RUSC2: variants seen among roughly 807,000 people sequenced by gnomAD.
RUSC2 encodes RUN and SH3 domain containing 2.
In RUSC2, 34 loss-of-function variants were observed where a neutral mutation model predicts 122.2. The ratio of observed to expected loss-of-function variants is 0.28; its 90% CI spans 0.21 to 0.37. The LOEUF (loss-of-function observed/expected upper bound fraction) is 0.37, where lower values mean the gene tolerates loss of function less well. Among genes scored for constraint, RUSC2 ranks in the 10% least tolerant of loss-of-function variants. The pLI is 1.00. For synonymous variants in RUSC2, 784 were observed against 790.0 expected (o/e 0.99, Z 0.13); for missense variants, 1,747 against 1,952.4 (o/e 0.89, Z 1.98).
At chr9:35,544,736 C>G (rs1821712773) in intron 1 of RUSC2, among the ~76,000 whole-genome samples, 1 of 151,650 alleles carries the variant, frequency 6.6e-6, no homozygotes, top group Non-Finnish European at 1.5e-5. Flanking sequence ...TTGGTGGTAT[C>G]CTTTGAAGCA....
chr9:35,516,019 A>AAAAAAAAAAAAAAAAAAAAAAAAC (rs1821097477), intron 1 of RUSC2, among the ~76,000 whole-genome samples: 1 of 149,908 alleles, frequency 6.7e-6, no homozygotes, highest in Non-Finnish European at 1.5e-5. Flanking sequence ...AAAAAAAAAA[A>AAAAAAAAAAAAAAAAAAAAAAAAC]AAAAGAGAAA....
chr9:35,504,469 CTT>C (rs200556621), intron 1 of RUSC2, among the ~76,000 whole-genome samples: 5 of 140,366 alleles, frequency 3.6e-5, no homozygotes, highest in African/African-American at 2.6e-5. Flanking sequence ...GGTTTTTTTT[CTT>C]TTTTTTTTTT....
At chr9:35,527,926 A>G (rs1373779177) in intron 1 of RUSC2, among the ~76,000 whole-genome samples, 4 of 152,130 alleles carry the variant, frequency 2.6e-5, no homozygotes, top group Admixed American at 2.0e-4. Context: ...CAGTGGCTCA[A>G]GTATGGTCAT....
intron 1 of RUSC2, among the ~76,000 whole-genome samples, chr9:35,522,748 G>A (rs557692971): frequency 2.6e-5 from 4 of 152,280 alleles, no homozygotes; most frequent in African/African-American, 9.6e-5. Flanking sequence ...ATTTTGATTT[G>A]TTATGGTTTG....
chr9:35,553,723 C>T (rs1449218338), intron 2 of RUSC2, among the ~76,000 whole-genome samples: 1 of 152,116 alleles, frequency 6.6e-6, no homozygotes, highest in Non-Finnish European at 1.5e-5. Context: ...CACAGTGGGC[C>T]AGGGAGAATG....
In RUSC2 at chr9:35,506,276, T is replaced by C. The variant is rs187116633; in HGVS notation, c.-93+16104T>C. 2.0e-5 allele frequency among the ~76,000 whole-genome samples: 3 copies of C among 152,390 alleles called. No individual in the cohort carries two copies. The East Asian group carries it at 5.8e-4, about 29-fold the overall frequency. Reference sequence around the variant, plus strand: ...GTATACATTAAAAAGGTGAATTTTATACTATCTGAATTACATGTTAATAAA... The same window carrying C: ...GTATACATTAAAAAGGTGAATTTTACACTATCTGAATTACATGTTAATAAA... On this transcript the variant is annotated intron_variant, in intron 1 of 11. Transcript: ENST00000361226.
chr9:35,495,466 C>G (rs1336265147), intron 1 of RUSC2, among the ~76,000 whole-genome samples: 2 of 151,258 alleles, frequency 1.3e-5, no homozygotes, highest in Non-Finnish European at 2.9e-5. Context: ...CTTGTCAAAA[C>G]TCATCTGACC....
intron 1 of RUSC2, among the ~76,000 whole-genome samples, chr9:35,525,301 G>C (rs1036148572): frequency 2.0e-5 from 3 of 152,156 alleles, no homozygotes; most frequent in Admixed American, 6.5e-5. Context: ...TTTCAGATTG[G>C]CCTCTCATCC....
Position 35,561,512 on chromosome 9 carries a change from A to C in RUSC2, c.*130A>C. The C allele has an allele frequency of 1.4e-6, 1 of 720,414 alleles. No homozygotes were observed. Among genetic ancestry groups the C allele is most frequent in the Admixed American group, 2.8e-5 (1 of 35,208 alleles). 44.6% of individuals were successfully genotyped at this position (720,414 alleles called of 1,614,324 possible). A position where few individuals can be genotyped will look rare whatever the true frequency, so the allele number is the denominator to read the frequency against. On this transcript the variant is annotated 3_prime_UTR_variant, in exon 12 of 12. Transcript: ENST00000361226. ...TGGGGCCACGTATCCCTGTGCTGGCACCTGCTCCCTGTGCTCAGTATTAAT... is the reference window on the plus strand; with the variant it reads ...TGGGGCCACGTATCCCTGTGCTGGCCCCTGCTCCCTGTGCTCAGTATTAAT...
chr9:35,495,315 G>T, intron 1 of RUSC2, among the ~76,000 whole-genome samples: 1 of 130,698 alleles, frequency 7.7e-6, no homozygotes. Context: ...TTATCTTTAG[G>T]TCTTTGATCC....
At chr9:35,540,598 G>C (rs2132543118) in intron 1 of RUSC2, among the ~76,000 whole-genome samples, 1 of 152,282 alleles carries the variant, frequency 6.6e-6, no homozygotes. Flanking sequence ...ATGAGGGCTG[G>C]GAACTGGGGC....
rs776734453 is a variant in RUSC2, at chr9:35,548,057, C to T, written c.1536C>T (p.Gly512=). ...SLQRSPPVRL[G]SLERMLSCPV... ...AGCGCAGCCCTCCTGTCCGCCTGGG[C>T]TCGCTGGAACGTATGTTGAGTTGCC... The change falls in exon 2 of 12, where the codon GGC becomes GGT. Residue 512 remains glycine (G), a synonymous_variant. Transcript: ENST00000361226. This position sits in a 1 kb window ranked among gnomAD's most constrained non-coding sequence, Gnocchi z 4.5. 1 of 1,613,526 alleles carries T rather than the reference C, an allele frequency of 6.2e-7. No homozygotes were observed. The highest frequency in any genetic ancestry group is 8.5e-7 in the Non-Finnish European group (1 of 1,180,046).
intron 1 of RUSC2, among the ~76,000 whole-genome samples, chr9:35,545,637 G>A (rs1446675569): frequency 6.6e-6 from 1 of 152,212 alleles, no homozygotes; most frequent in African/African-American, 2.4e-5. Context: ...CGCATGTTAA[G>A]AATGTATTAT....
intron 1 of RUSC2, among the ~76,000 whole-genome samples, chr9:35,525,590 A>T (rs1327956830): frequency 6.6e-6 from 1 of 152,082 alleles, no homozygotes; most frequent in Non-Finnish European, 1.5e-5. Context: ...ACCTGAGGCC[A>T]GGAGTTCGAG....
chr9:35,502,491 C>T (rs557580118), intron 1 of RUSC2, among the ~76,000 whole-genome samples: 5 of 152,100 alleles, frequency 3.3e-5, no homozygotes, highest in Non-Finnish European at 7.4e-5. Flanking sequence ...ACTTTAACCT[C>T]GAAAATCCTT....
chr9:35,554,526 T>G (rs1288689215), intron 2 of RUSC2, among the ~76,000 whole-genome samples: 1 of 152,208 alleles, frequency 6.6e-6, no homozygotes, highest in Non-Finnish European at 1.5e-5. Flanking sequence ...TTTTCATCAC[T>G]GAAAATGTGT....
intron 1 of RUSC2, among the ~76,000 whole-genome samples, chr9:35,531,239 C>T (rs1424637035): frequency 2.6e-5 from 4 of 151,816 alleles, no homozygotes; most frequent in African/African-American, 4.8e-5. Context: ...CCAGCCTGGG[C>T]GACAGAGCAA....
rs902094706 is a variant in RUSC2 at position 35,555,747 on chromosome 9, G to A, written c.2656+46G>A. Reference sequence around the variant, plus strand: ...CTACCCAACCCGCCACCTCACGCAAGCACTTCCACCACCTCCCCTTTGAGT... The same window carrying A: ...CTACCCAACCCGCCACCTCACGCAAACACTTCCACCACCTCCCCTTTGAGT... On this transcript the variant is annotated intron_variant, in intron 3 of 11. Transcript: ENST00000361226. The surrounding 1 kb of genome is among the most constrained non-coding windows in gnomAD (Gnocchi z 4.6). 1 of 1,551,696 alleles carries A rather than the reference G, an allele frequency of 6.4e-7. No individual in the cohort carries two copies.
intron 1 of RUSC2, among the ~76,000 whole-genome samples, chr9:35,543,621 C>CAA (rs962701731): frequency 7.9e-5 from 12 of 152,156 alleles, no homozygotes; most frequent in African/African-American, 2.7e-4. Context: ...AAAATGGTGA[C>CAA]AAACACCTGG....
Sources: gnomAD v4.1 joint callset for allele counts (sites outside exome capture counted in the v4.1 genomes callset) on GRCh38, gnomAD v4.1.1 for gene constraint, Gnocchi (gnomAD v3.1) non-coding constraint, MANE v1.5 for transcripts, NCBI Gene and HGNC (gene_info 2026-07-23, HGNC 2026-07-21) for gene names.